Variants in PAQR3 observed in about 807,000 individuals in gnomAD.
PAQR3 encodes the protein Raf kinase trapping to Golgi.
A neutral mutation model predicts 41.7 loss-of-function variants in PAQR3; 39 were observed. That is an observed-to-expected ratio of 0.93 (90% CI 0.72 to 1.22). The LOEUF (loss-of-function observed/expected upper bound fraction) is 1.22. PAQR3 is among the 50% of genes most tolerant of loss of function. The probability of loss-of-function intolerance (pLI) is 0.00; values close to 1 mark genes in which losing one functional copy is unlikely to be tolerated. For synonymous variants in PAQR3, 140 were observed against 140.6 expected (o/e 1.00, Z 0.03); for missense variants, 366 against 385.6 (o/e 0.95, Z 0.42).
downstream of PAQR3, among the ~76,000 whole-genome samples, chr4:78,907,019 C>CT (rs969832408): frequency 6.6e-6 from 1 of 151,880 alleles, no homozygotes. Flanking sequence ...GGAGGGTTTC[C>CT]TTTTTACTCC....
At chr4:78,903,339 T>TA in intron 11 of PAQR3, among the ~76,000 whole-genome samples, 1 of 152,158 alleles carries the variant, frequency 6.6e-6, no homozygotes, top group Non-Finnish European at 1.5e-5. Flanking sequence ...TCTGAATGCA[T>TA]AAATGTACAT....
Position 78,920,164 on chromosome 4 carries a change from AAAAT to A in PAQR3, c.*371_*374del. The A allele has an allele frequency of 5.0e-6, 5 of 991,032 alleles. No homozygotes were observed. Among genetic ancestry groups the A allele is most frequent in the Non-Finnish European group, 6.0e-6 (5 of 833,628 alleles). 61.4% of individuals were successfully genotyped at this position (991,032 alleles called of 1,614,324 possible). ...GGCACTTAAACTTGACAATTAACTG[AAAAT>A]AATTAAGCACATAAGATGACTCCAT... On this transcript the variant is annotated 3_prime_UTR_variant, in exon 6 of 6. Coordinates refer to ENST00000512733, the MANE Select transcript of PAQR3 (RefSeq NM_001040202.2).
intron 1 of PAQR3, among the ~76,000 whole-genome samples, chr4:78,936,148 T>C (rs1737408896): frequency 6.6e-6 from 1 of 152,234 alleles, no homozygotes; most frequent in South Asian, 2.1e-4. Context: ...TAGATGCTGC[T>C]GCAACTTTCT....
Position 78,919,217 on chromosome 4 carries a change from G to C in PAQR3, c.*1322C>G. 1.0e-6 allele frequency: 1 copy of C among 984,628 alleles called. No individual in the cohort carries two copies. The highest frequency in any genetic ancestry group is 1.2e-6 in the Non-Finnish European group (1 of 829,362). The allele number at this position is 984,628 out of a possible 1,614,324, so 61.0% of individuals were successfully genotyped here. A position where few individuals can be genotyped will look rare whatever the true frequency, so the allele number is the denominator to read the frequency against. On this transcript the variant is annotated 3_prime_UTR_variant, in exon 6 of 6. Transcript: ENST00000512733. ...CAATTAACATTTTTTCTGATATTCA[G>C]TAATTTTACTGTTCTGAAAATACAC...
chr4:78,923,246 C>T (rs1289085505), intron 5 of PAQR3, among the ~76,000 whole-genome samples: 1 of 151,962 alleles, frequency 6.6e-6, no homozygotes, highest in Admixed American at 6.6e-5. Context: ...AAGCCTAAAG[C>T]CAGCTTTGTC....
intron 12 of PAQR3, chr4:78,887,434 G>C (rs1414095040): frequency 3.1e-6 from 2 of 638,528 alleles, no homozygotes; most frequent in Non-Finnish European, 5.5e-6. Flanking sequence ...TCTTCTTAAT[G>C]ATGTTCTTTG....
intron 11 of PAQR3, among the ~76,000 whole-genome samples, chr4:78,899,931 A>AT (rs1399857786): frequency 6.6e-6 from 1 of 152,142 alleles, no homozygotes; most frequent in African/African-American, 2.4e-5. Context: ...AAGAATTTAG[A>AT]TTTTATATGG....
At chr4:78,922,197 G>A (rs1173260451) in intron 5 of PAQR3, 2 of 1,059,854 alleles carry the variant, frequency 1.9e-6, no homozygotes, top group Non-Finnish European at 2.3e-6. Flanking sequence ...CTTCAATTCA[G>A]TGGCATGTCC....
At chr4:78,932,062 A>T (rs1462530202) in intron 2 of PAQR3, among the ~76,000 whole-genome samples, 1 of 152,200 alleles carries the variant, frequency 6.6e-6, no homozygotes, top group Non-Finnish European at 1.5e-5. Flanking sequence ...CAAATGATAA[A>T]CATTTTGTAA....
rs1233793016 is a variant in PAQR3, at chr4:78,917,452, G to A, written c.*3087C>T. ...CTCCCTTCCAAAAATGTTTTCTTAA[G>A]GGTAGTTTCAGTTCTGGATCATTAT... On this transcript the variant is annotated 3_prime_UTR_variant, in exon 6 of 6. Coordinates refer to ENST00000512733, the MANE Select transcript of PAQR3 (RefSeq NM_001040202.2). 1 of 151,924 alleles carries A rather than the reference G, an allele frequency of 6.6e-6. No individual in the cohort carries two copies. The highest frequency in any genetic ancestry group is 1.9e-4 in the East Asian group (1 of 5,192). The allele number at this position is 151,924 out of a possible 1,614,324, so 9.4% of individuals were successfully genotyped here.
At chr4:78,900,120 C>T (rs1409844935) in intron 11 of PAQR3, among the ~76,000 whole-genome samples, 1 of 152,188 alleles carries the variant, frequency 6.6e-6, no homozygotes, top group Non-Finnish European at 1.5e-5. Context: ...TTCTTTGCTC[C>T]TCAGCCTACT....
At position 78,912,194 on chromosome 4, in the gene PAQR3, C is replaced by CT. The variant is rs749997935; in HGVS notation, c.*8344dup. The CT allele has an allele frequency of 1.5e-6, 1 of 672,802 alleles. No homozygotes were observed. Among genetic ancestry groups the CT allele is most frequent in the Non-Finnish European group, 2.5e-6 (1 of 404,964 alleles). The allele number at this position is 672,802 out of a possible 1,614,324, so 41.7% of individuals were successfully genotyped here. On this transcript the variant is annotated 3_prime_UTR_variant, in exon 6 of 6. Coordinates refer to ENST00000512733, the MANE Select transcript of PAQR3 (RefSeq NM_001040202.2). ...AACCAAATAGAAGAATGAAGTATCT[C>CT]TACAGGGTAGTAACTTGATTCCTCT... is the stretch of plus-strand genomic sequence containing the variant.
chr4:78,938,465 T>C (rs1248513912), intron 1 of PAQR3, among the ~76,000 whole-genome samples: 1 of 152,206 alleles, frequency 6.6e-6, no homozygotes, highest in African/African-American at 2.4e-5. Flanking sequence ...CAGCATTTTT[T>C]CCACAATGGT....
chr4:78,892,509 A>G (rs1180444813), intron 11 of PAQR3, among the ~76,000 whole-genome samples: 1 of 152,200 alleles, frequency 6.6e-6, no homozygotes, highest in African/African-American at 2.4e-5. Flanking sequence ...TCTTTAAAGA[A>G]CCAACTTTTG....
At position 78,914,310 on chromosome 4, in the gene PAQR3, A is replaced by T. The variant is rs1734858336; in HGVS notation, c.*6229T>A. The T allele has an allele frequency of 6.6e-6, 1 of 152,140 alleles. No homozygotes were observed. Among genetic ancestry groups the T allele is most frequent in the Admixed American group, 6.6e-5 (1 of 15,260 alleles). The allele number at this position is 152,140 out of a possible 1,614,324, so 9.4% of individuals were successfully genotyped here. A position where few individuals can be genotyped will look rare whatever the true frequency, so the allele number is the denominator to read the frequency against. ...TTGACTTATAAATTCTGAGGAAACAACTGACAGCATAAAATATTTACATTC... is the reference window on the plus strand; with the variant it reads ...TTGACTTATAAATTCTGAGGAAACATCTGACAGCATAAAATATTTACATTC... On this transcript the variant is annotated 3_prime_UTR_variant, in exon 6 of 6. Transcript: ENST00000512733.
chr4:78,892,312 A>C (rs1733481581), intron 11 of PAQR3, among the ~76,000 whole-genome samples: 1 of 152,146 alleles, frequency 6.6e-6, no homozygotes, highest in South Asian at 2.1e-4. Flanking sequence ...AAATTTTGAA[A>C]TTTATATTTT....
chr4:78,939,317 A>G lies in PAQR3; in HGVS notation c.-93T>C, dbSNP rs2110185920. On this transcript the variant is annotated 5_prime_UTR_variant, in exon 1 of 6. Coordinates refer to ENST00000512733, the MANE Select transcript of PAQR3 (RefSeq NM_001040202.2). Reference sequence around the variant, plus strand: ...TTCGCCGCTGGCGCCCCCGCCCCGGAGCCCGCGGACGCTGCGCGAGGTCCT... The same window carrying G: ...TTCGCCGCTGGCGCCCCCGCCCCGGGGCCCGCGGACGCTGCGCGAGGTCCT... 8.0e-7 allele frequency: 1 copy of G among 1,250,790 alleles called. No homozygotes were observed. The highest frequency in any genetic ancestry group is 3.2e-5 in the East Asian group (1 of 31,536). The allele number at this position is 1,250,790 out of a possible 1,614,324, so 77.5% of individuals were successfully genotyped here.
At chr4:78,924,715 G>T (rs968706723) in intron 4 of PAQR3, among the ~76,000 whole-genome samples, 1 of 146,130 alleles carries the variant, frequency 6.8e-6, no homozygotes, top group Non-Finnish European at 1.5e-5. Context: ...CTCTACAGTT[G>T]TTTTTTTTTT....
chr4:78,913,598 T>G lies in PAQR3; in HGVS notation c.*6941A>C, dbSNP rs1734795800. On this transcript the variant is annotated 3_prime_UTR_variant, in exon 6 of 6. Coordinates refer to ENST00000512733, the MANE Select transcript of PAQR3 (RefSeq NM_001040202.2). ...TATTTTAAATTAACTCTCTTCGATC[T>G]CAAAGTATATTTTACGAGTAATTTT... The G allele has an allele frequency of 6.6e-6, 1 of 152,188 alleles. No individual in the cohort carries two copies. The highest frequency in any genetic ancestry group is 2.4e-5 in the African/African-American group (1 of 41,462). The allele number at this position is 152,188 out of a possible 1,614,324, so 9.4% of individuals were successfully genotyped here. A position where few individuals can be genotyped will look rare whatever the true frequency, so the allele number is the denominator to read the frequency against.
Sources: gnomAD v4.1 joint callset for allele counts (sites outside exome capture counted in the v4.1 genomes callset) on GRCh38, gnomAD v4.1.1 for gene constraint, MANE v1.5 for transcripts, NCBI Gene and HGNC (gene_info 2026-07-23, HGNC 2026-07-21) for gene names.